TUBGCP5: variants seen among roughly 807,000 people sequenced by gnomAD.
The protein encoded by TUBGCP5 is tubulin gamma complex component 5, also known as gamma-tubulin complex component 5.
Under a neutral mutation model 134.7 loss-of-function variants are expected in TUBGCP5, and 98 were observed. The observed-to-expected ratio is 0.73, with a 90% CI of 0.62 to 0.86. TUBGCP5 has a LOEUF of 0.86. Ranked by LOEUF, TUBGCP5 falls within the 40% of genes least tolerant of loss-of-function variation. TUBGCP5 has a pLI of 0.00. For synonymous variants in TUBGCP5, 456 were observed against 431.4 expected (o/e 1.06, Z -0.71); for missense variants, 1,150 against 1,244.8 (o/e 0.92, Z 1.15).
chr15:23,031,036 G>T lies in TUBGCP5; in HGVS notation c.487-16C>A, dbSNP rs759648815. The T allele has an allele frequency of 2.5e-6, 4 of 1,604,338 alleles. No homozygotes were observed. In the South Asian group the frequency reaches 4.5e-5, roughly 18 times the overall value. ...CAGACCAATTCTGATTTAAAAAAGA[G>T]ATACACTTTAGCTTTACAGAGTATA... On this transcript the variant is annotated splice_polypyrimidine_tract_variant and intron_variant, in intron 5 of 22. Transcript: ENST00000615383.
At chr15:23,006,396 C>A (rs2064717953) in intron 16 of TUBGCP5, 44 bp from the exon 17 acceptor site, 1 of 1,380,236 alleles carries the variant, frequency 7.2e-7, no homozygotes, top group Non-Finnish European at 1.0e-6. Context: ...AGCACTATGT[C>A]ACACAAAAAT....
intron 17 of TUBGCP5, 27 bp downstream of exon 17, chr15:23,006,241 G>T: frequency 1.2e-6 from 2 of 1,607,406 alleles, no homozygotes; most frequent in Non-Finnish European, 1.7e-6. Context: ...AGAAAACACG[G>T]TTCATACAAG....
chr15:22,984,489 G>A (rs929145396), intron 23 of TUBGCP5, among the ~76,000 whole-genome samples: 5 of 151,686 alleles, frequency 3.3e-5, no homozygotes, highest in Middle Eastern at 3.4e-3. Flanking sequence ...GTGTGGTGGC[G>A]AGTGCCTGTA....
chr15:23,002,625 T>C (rs944446964), intron 21 of TUBGCP5, among the ~76,000 whole-genome samples: 12 of 152,136 alleles, frequency 7.9e-5, no homozygotes, highest in African/African-American at 2.9e-4. Flanking sequence ...TGTCCAGAAT[T>C]TGATTTAAAA....
chr15:23,024,852 A>G (rs769883987), intron 8 of TUBGCP5, 22 bp from the exon 9 acceptor site: 3 of 1,398,722 alleles, frequency 2.1e-6, no homozygotes, highest in African/African-American at 1.4e-5. Context: ...TTAAAAAAAG[A>G]CGAGTGTACT....
chr15:23,012,240 T>C (rs2065080408), intron 13 of TUBGCP5, among the ~76,000 whole-genome samples: 1 of 151,960 alleles, frequency 6.6e-6, no homozygotes, highest in Non-Finnish European at 1.5e-5. Flanking sequence ...CTTCTGACAG[T>C]GGCCCTGGGA....
At chr15:23,024,902 ATT>A (rs372317024) in intron 8 of TUBGCP5, 72 bp from the exon 9 acceptor site, 8,820 of 698,992 alleles carry the variant, frequency 0.013, no homozygotes, top group South Asian at 0.02. Flanking sequence ...TGCCCAGGAC[ATT>A]TTTTTTTTTT....
At chr15:23,008,930 G>T in intron 15 of TUBGCP5, 49 bp from the exon 16 acceptor site, 5 of 1,452,508 alleles carry the variant, frequency 3.4e-6, no homozygotes, top group Non-Finnish European at 4.6e-6. Context: ...CATTCGTAAG[G>T]CAGGATTCTG....
chr15:22,984,417 C>G (rs1202177221), intron 23 of TUBGCP5, among the ~76,000 whole-genome samples: 2 of 152,018 alleles, frequency 1.3e-5, no homozygotes, highest in Admixed American at 6.5e-5. Context: ...GTCAGGAGTT[C>G]GAGACCAGCC....
chr15:23,034,378 T>C (rs1332635940), intron 3 of TUBGCP5, among the ~76,000 whole-genome samples: 1 of 152,108 alleles, frequency 6.6e-6, no homozygotes, highest in Non-Finnish European at 1.5e-5. Context: ...AGCCCGGGAA[T>C]TGAAAACAAC....
At chr15:23,012,706 A>G (rs1460169981) in intron 13 of TUBGCP5, among the ~76,000 whole-genome samples, 1 of 152,178 alleles carries the variant, frequency 6.6e-6, no homozygotes, top group African/African-American at 2.4e-5. Context: ...AATATATTAA[A>G]TTGCATCATT....
At chr15:23,028,152 C>T (rs779180714) in intron 6 of TUBGCP5, among the ~76,000 whole-genome samples, 4 of 151,884 alleles carry the variant, frequency 2.6e-5, no homozygotes, top group Admixed American at 6.6e-5. Flanking sequence ...CTGTTGGGCT[C>T]GGTGGCTCAC....
chr15:23,034,795 C>A (rs1298970289), intron 3 of TUBGCP5, among the ~76,000 whole-genome samples: 1 of 151,842 alleles, frequency 6.6e-6, no homozygotes, highest in Non-Finnish European at 1.5e-5. Context: ...CCATTGCATT[C>A]CAGCCTGGGC....
intron 3 of TUBGCP5, among the ~76,000 whole-genome samples, chr15:23,035,329 TAAA>T (rs71117460): frequency 1.5e-5 from 2 of 134,618 alleles, no homozygotes; most frequent in African/African-American, 2.8e-5. Flanking sequence ...CACTCAGTCT[TAAA>T]AAAAAAAAAG....
chr15:23,001,994 T>C (rs1260067594), intron 21 of TUBGCP5, among the ~76,000 whole-genome samples: 1 of 152,122 alleles, frequency 6.6e-6, no homozygotes, highest in African/African-American at 2.4e-5. Flanking sequence ...AATTAACTTA[T>C]CCATAAACTG....
chr15:23,034,659 C>A (rs1046931096), intron 3 of TUBGCP5, among the ~76,000 whole-genome samples: 3 of 151,782 alleles, frequency 2.0e-5, no homozygotes, highest in African/African-American at 7.3e-5. Flanking sequence ...AGGAGTTCGA[C>A]ACTACCCTGG....
intron 20 of TUBGCP5, among the ~76,000 whole-genome samples, chr15:23,003,601 C>T (rs867023526): frequency 3.6e-5 from 5 of 139,154 alleles, no homozygotes; most frequent in Non-Finnish European, 7.7e-5. Flanking sequence ...CTCTTAGATA[C>T]AATTTCTACG....
chr15:23,005,432 C>T lies in TUBGCP5; in HGVS notation c.2712G>A (p.Arg904=), dbSNP rs149930471. 4 of 1,613,536 alleles carry T rather than the reference C, an allele frequency of 2.5e-6. No homozygotes were observed. Among genetic ancestry groups the T allele is most frequent in the African/African-American group, 2.7e-5 (2 of 74,870 alleles). The stretch of plus-strand genomic sequence containing the variant: ...TGAAGCAGATGGGAGAGGCACAAAC[C>T]CTGGTCATGATGTAGTTGTGCAAGC... ...VNSLHNYIMT[R]ILHSTGLEFQ... is the part of the protein sequence containing the mutation. Residue 904 remains arginine (R), a splice_region_variant and synonymous_variant, in exon 19 of 23, where the codon AGG becomes AGA. Coordinates refer to ENST00000615383, the MANE Select transcript of TUBGCP5 (RefSeq NM_052903.6).
rs554136884 is a variant in TUBGCP5, at chr15:23,032,795, A to T, written c.339T>A (p.Leu113=). ...KTDAHYSILS[L]LLCLSDSPSN... ...AAGGAGAGTCTGACAGACACAGAAG[A>T]AGTGACAGTATGGAATAATGTGCAT... Residue 113 remains leucine, a synonymous_variant, in exon 4 of 23, where the codon CTT becomes CTA. Coordinates refer to ENST00000615383, the MANE Select transcript of TUBGCP5 (RefSeq NM_052903.6). 100 of 1,593,544 alleles carry T rather than the reference A, an allele frequency of 6.3e-5. No homozygotes were observed. The South Asian group carries it at 1.1e-3, about 17-fold the overall frequency.
Sources: gnomAD v4.1 joint callset for allele counts (sites outside exome capture counted in the v4.1 genomes callset) on GRCh38, gnomAD v4.1.1 for gene constraint, MANE v1.5 for transcripts, NCBI Gene and HGNC (gene_info 2026-07-23, HGNC 2026-07-21) for gene names.